SPAG16: variants seen among roughly 807,000 people sequenced by gnomAD.
SPAG16 encodes sperm associated antigen 16, also known as sperm-associated antigen 16 protein.
A neutral mutation model predicts 80.4 loss-of-function variants in SPAG16; 86 were observed. The observed-to-expected ratio is 1.07, with a 90% CI of 0.90 to 1.28. SPAG16 has a LOEUF of 1.28. Ranked by LOEUF, SPAG16 falls within the 50% of genes most tolerant of loss-of-function variation. SPAG16 has a pLI of 0.00. For synonymous variants in SPAG16, 294 were observed against 265.9 expected (o/e 1.11, Z -1.03); for missense variants, 870 against 765.3 (o/e 1.14, Z -1.61).
chr2:213,574,508 T>C (rs2060046068), intron 10 of SPAG16, among the ~76,000 whole-genome samples: 1 of 151,894 alleles, frequency 6.6e-6, no homozygotes, highest in African/African-American at 2.4e-5. Context: ...CCAAGAAGGA[T>C]ATTGTGAAAT....
chr2:213,832,232 G>A (rs767417952), intron 10 of SPAG16, among the ~76,000 whole-genome samples: 6 of 151,850 alleles, frequency 4.0e-5, no homozygotes, highest in African/African-American at 7.3e-5. Flanking sequence ...TCCTGACCTC[G>A]TGATCCACCT....
chr2:214,171,100 T>G (rs1240763338), intron 15 of SPAG16, among the ~76,000 whole-genome samples: 1 of 151,928 alleles, frequency 6.6e-6, no homozygotes, highest in African/African-American at 2.4e-5. Context: ...TTACAATATT[T>G]TGTGACTCCT....
chr2:213,330,129 G>A (rs2124851014), intron 5 of SPAG16, among the ~76,000 whole-genome samples: 1 of 152,378 alleles, frequency 6.6e-6, no homozygotes, highest in South Asian at 2.1e-4. Flanking sequence ...CTAAGGCAGT[G>A]CGGAAGGGAA....
intron 12 of SPAG16, among the ~76,000 whole-genome samples, chr2:213,982,547 A>G (rs2045803781): frequency 6.6e-6 from 1 of 151,906 alleles, no homozygotes; most frequent in Non-Finnish European, 1.5e-5. Context: ...ATTTGGAAAT[A>G]AAATATATCT....
intron 15 of SPAG16, among the ~76,000 whole-genome samples, chr2:214,338,636 C>T (rs1388885997): frequency 2.0e-5 from 3 of 152,164 alleles, no homozygotes; most frequent in Admixed American, 1.3e-4. Flanking sequence ...TTATTATCAA[C>T]ATAGCTTCTA....
intron 10 of SPAG16, among the ~76,000 whole-genome samples, chr2:213,737,335 T>C (rs2067327056): frequency 6.6e-6 from 1 of 152,204 alleles, no homozygotes; most frequent in South Asian, 2.1e-4. Context: ...ATACTCTTTA[T>C]ATTTTTTGTT....
rs183572459 is a variant in SPAG16, at chr2:213,362,902, C to G, written c.763-1174C>G. The stretch of plus-strand genomic sequence containing the variant: ...GCCTCCATGACCCAAACACTTCCCC[C>G]TAGGCCCCACCTCCAACACTGGGGA... On this transcript the variant is annotated intron_variant, in intron 7 of 15. Coordinates refer to ENST00000331683, the MANE Select transcript of SPAG16 (RefSeq NM_024532.5). Among the ~76,000 whole-genome samples, 302 of 152,218 alleles carry G rather than the reference C, an allele frequency of 2.0e-3. 16 individuals carry two copies. The highest frequency in any genetic ancestry group is 0.02 in the Admixed American group (302 of 15,286).
At chr2:214,296,336 T>C (rs997853874) in intron 15 of SPAG16, among the ~76,000 whole-genome samples, 2 of 152,240 alleles carry the variant, frequency 1.3e-5, no homozygotes, top group African/African-American at 4.8e-5. Flanking sequence ...CTATTGTGGA[T>C]AGTGCTGCAA....
At chr2:213,360,485 T>C (rs2065913950) in intron 7 of SPAG16, among the ~76,000 whole-genome samples, 1 of 152,200 alleles carries the variant, frequency 6.6e-6, no homozygotes, top group Admixed American at 6.5e-5. Flanking sequence ...CTCTCCAAAT[T>C]AGGGCACAGA....
At chr2:213,915,299 G>A (rs2077901447) in intron 11 of SPAG16, among the ~76,000 whole-genome samples, 1 of 151,798 alleles carries the variant, frequency 6.6e-6, no homozygotes, top group Non-Finnish European at 1.5e-5. Context: ...CCCTCAGCAG[G>A]CCCCAGTGTG....
At chr2:213,719,870 G>A (rs1365982876) in intron 10 of SPAG16, among the ~76,000 whole-genome samples, 1 of 152,048 alleles carries the variant, frequency 6.6e-6, no homozygotes, top group African/African-American at 2.4e-5. Context: ...TCATTCTACT[G>A]CAAACACACA....
chr2:214,347,524 TAG>T, intron 15 of SPAG16, among the ~76,000 whole-genome samples: 1 of 152,306 alleles, frequency 6.6e-6, no homozygotes, highest in East Asian at 1.9e-4. Flanking sequence ...ATTAAGATGT[TAG>T]AAGGACTTAA....
In SPAG16 at chr2:214,144,373, C is replaced by T. The variant is rs1271553928; in HGVS notation, c.1594-4767C>T. Among the ~76,000 whole-genome samples the T allele has an allele frequency of 3.3e-5, 5 of 152,076 alleles. No individual in the cohort carries two copies. The East Asian group carries it at 9.6e-4, about 29-fold the overall frequency. On this transcript the variant is annotated intron_variant, in intron 14 of 15. Coordinates refer to ENST00000331683, the MANE Select transcript of SPAG16 (RefSeq NM_024532.5). ...AATCATTGTACATGTGTATTATATA[C>T]TTTAATGTAACCACAGTTTGGCATA...
chr2:213,871,648 C>G (rs1341651277), intron 11 of SPAG16, among the ~76,000 whole-genome samples: 1 of 152,004 alleles, frequency 6.6e-6, no homozygotes, highest in African/African-American at 2.4e-5. Flanking sequence ...AAGTTGTAAA[C>G]TTCCAGAATG....
chr2:214,267,108 C>T (rs1483679404), intron 15 of SPAG16, among the ~76,000 whole-genome samples: 1 of 150,534 alleles, frequency 6.6e-6, no homozygotes, highest in East Asian at 1.9e-4. Context: ...TATGGAACTA[C>T]AAAAAATCCT....
At chr2:214,295,229 C>T (rs1446353904) in intron 15 of SPAG16, among the ~76,000 whole-genome samples, 1 of 152,186 alleles carries the variant, frequency 6.6e-6, no homozygotes, top group African/African-American at 2.4e-5. Flanking sequence ...GTGGGTGGGG[C>T]ATTATTCAAC....
chr2:213,697,227 G>A (rs994744173), intron 10 of SPAG16, among the ~76,000 whole-genome samples: 6 of 152,322 alleles, frequency 3.9e-5, no homozygotes, highest in Admixed American at 3.3e-4. Flanking sequence ...GGGTGGAAAA[G>A]AGGTAGGGCT....
intron 10 of SPAG16, among the ~76,000 whole-genome samples, chr2:213,852,090 C>A (rs1575353060): frequency 6.6e-6 from 1 of 152,130 alleles, no homozygotes; most frequent in Non-Finnish European, 1.5e-5. Flanking sequence ...ACTTTTATTG[C>A]ATTTGCATTT....
At chr2:213,343,809 G>A (rs2064818664) in intron 6 of SPAG16, among the ~76,000 whole-genome samples, 1 of 152,010 alleles carries the variant, frequency 6.6e-6, no homozygotes, top group Non-Finnish European at 1.5e-5. Context: ...AGAGAAAAAA[G>A]CTGAAAAGAA....
Sources: allele counts gnomAD v4.1 joint callset (sites outside exome capture counted in the v4.1 genomes callset), GRCh38; gene constraint gnomAD v4.1.1; transcripts MANE v1.5; gene names NCBI Gene and HGNC (gene_info 2026-07-23, HGNC 2026-07-21).